The following TRAPPC8 variants were observed in gnomAD, a reference collection of about 807,000 sequenced individuals.
TRAPPC8 encodes the protein general sporulation gene 1 homolog.
Under a neutral mutation model 174.3 loss-of-function variants are expected in TRAPPC8, and 54 were observed. The observed-to-expected ratio is 0.31, with a 90% CI of 0.25 to 0.39. The LOEUF is 0.39. Ranked by LOEUF, TRAPPC8 falls within the 10% of genes least tolerant of loss-of-function variation. The pLI, the probability that TRAPPC8 is intolerant of heterozygous loss-of-function variation, is 1.00. For synonymous variants in TRAPPC8, 630 were observed against 579.9 expected, an observed-to-expected ratio of 1.09 and a Z score of -1.24; for missense variants, 1,531 against 1,699.1, an observed-to-expected ratio of 0.90 and a Z score of 1.74.
chr18:31,837,597 C>A (rs1322068794), intron 27 of TRAPPC8, among the ~76,000 whole-genome samples: 1 of 152,014 alleles, frequency 6.6e-6, no homozygotes, highest in Non-Finnish European at 1.5e-5. Context: ...TACTCAAAGG[C>A]TGAGGCACGA....
At position 31,830,978 on chromosome 18, in the gene TRAPPC8, A is replaced by G. The variant is rs759687531; in HGVS notation, c.4085T>C (p.Leu1362Pro). The G allele has an allele frequency of 1.2e-6, 2 of 1,612,056 alleles. No homozygotes were observed. Among genetic ancestry groups the G allele is most frequent in the Non-Finnish European group, 1.7e-6 (2 of 1,178,464 alleles). The stretch of plus-strand genomic sequence containing the variant: ...CCATGTGAATGATCCATGGATTTCC[A>G]GTGCTTCTGGACTAAGGGAGGAGGA... ...LRHKTTSPEA[L>P]EIHGSFTWLG... The change falls in exon 29 of 29, where the codon CTG (leucine) becomes CCG (proline). Residue 1362 changes from leucine (L) to proline (P), a missense_variant. Coordinates refer to ENST00000283351, the MANE Select transcript of TRAPPC8 (RefSeq NM_014939.5).
intron 9 of TRAPPC8, among the ~76,000 whole-genome samples, chr18:31,905,749 C>T (rs2036630644): frequency 6.6e-6 from 1 of 152,112 alleles, no homozygotes; most frequent in East Asian, 1.9e-4. Flanking sequence ...TTCAGGTGCA[C>T]ATATATCATC....
At chr18:31,888,591 A>G (rs574780581) in intron 12 of TRAPPC8, among the ~76,000 whole-genome samples, 1 of 152,372 alleles carries the variant, frequency 6.6e-6, no homozygotes, top group African/African-American at 2.4e-5. Context: ...GCAGCCATAA[A>G]AAGGAAAGAG....
At chr18:31,909,073 C>A in intron 6 of TRAPPC8, 63 bp from the exon 7 acceptor site, 1 of 1,414,110 alleles carries the variant, frequency 7.1e-7, no homozygotes, top group Non-Finnish European at 9.4e-7. Context: ...GCTAATACTA[C>A]CATACTGCTA....
intron 1 of TRAPPC8, 37 bp from the exon 2 acceptor site, chr18:31,931,560 C>G: frequency 6.7e-7 from 1 of 1,487,386 alleles, no homozygotes; most frequent in South Asian, 1.4e-5. Context: ...GAAATTAATT[C>G]TATACAATGC....
chr18:31,833,951 G>A (rs1309249449), intron 27 of TRAPPC8, among the ~76,000 whole-genome samples: 3 of 136,438 alleles, frequency 2.2e-5, no homozygotes, highest in Admixed American at 7.6e-5. Flanking sequence ...GCAGTGAGCC[G>A]AGATCACACC....
At position 31,865,296 on chromosome 18, in the gene TRAPPC8, T is replaced by C. The variant is rs142482589; in HGVS notation, c.2591-515A>G. 2.6e-3 allele frequency among the ~76,000 whole-genome samples: 402 copies of C among 152,216 alleles called. 2 individuals are homozygous for C. The highest frequency in any genetic ancestry group is 8.8e-3 in the African/African-American group (366 of 41,578). ...GAAAATTAAATACAGTAGAGTTTTC[T>C]CAAAATTAAACTTGTTTAATATTCA... On this transcript the variant is annotated intron_variant, in intron 18 of 28. Transcript: ENST00000283351.
intron 9 of TRAPPC8, among the ~76,000 whole-genome samples, chr18:31,904,023 C>T (rs2036554971): frequency 1.3e-5 from 2 of 152,228 alleles, no homozygotes; most frequent in East Asian, 1.9e-4. Context: ...AATGCTTGAG[C>T]TCAGGAGTTT....
At chr18:31,909,049 C>A in intron 6 of TRAPPC8, 39 bp from the exon 7 acceptor site, 8 of 1,537,172 alleles carry the variant, frequency 5.2e-6, no homozygotes, top group South Asian at 2.4e-5. Flanking sequence ...TCTCAGAATG[C>A]AACAGAAAAC....
At chr18:31,886,622 T>A (rs2035731841) in intron 12 of TRAPPC8, among the ~76,000 whole-genome samples, 1 of 152,332 alleles carries the variant, frequency 6.6e-6, no homozygotes, top group African/African-American at 2.4e-5. Flanking sequence ...ACTACTTTCA[T>A]GCCACTTCTT....
At chr18:31,909,085 A>AT in intron 6 of TRAPPC8, 75 bp from the exon 7 acceptor site, 5 of 1,332,966 alleles carry the variant, frequency 3.8e-6, no homozygotes, top group Non-Finnish European at 5.0e-6. Context: ...ATACTGCTAA[A>AT]GAAAAAAAAA....
At chr18:31,870,351 A>G (rs1436333273) in intron 16 of TRAPPC8, 21 bp downstream of exon 16, 2 of 1,595,008 alleles carry the variant, frequency 1.3e-6, no homozygotes, top group Non-Finnish European at 1.7e-6. Flanking sequence ...ACATAATTAC[A>G]AATACCTTTT....
chr18:31,861,674 T>G (rs769245967), intron 19 of TRAPPC8, among the ~76,000 whole-genome samples: 83 of 152,120 alleles, frequency 5.5e-4, no homozygotes, highest in Admixed American at 1.5e-3. Context: ...CGGTTGCTCA[T>G]GCCTATAACC....
chr18:31,931,201 T>C (rs150262324), intron 2 of TRAPPC8, 128 bp downstream of exon 2: 13,765 of 778,466 alleles, frequency 0.018, 155 homozygotes, highest in Non-Finnish European at 0.022. Flanking sequence ...GTTTTCAACA[T>C]TGTATTCTCA....
intron 10 of TRAPPC8, among the ~76,000 whole-genome samples, chr18:31,899,426 T>G (rs758345698): frequency 5.3e-4 from 81 of 152,322 alleles, no homozygotes; most frequent in Middle Eastern, 3.4e-3. Flanking sequence ...GATGTTGTTT[T>G]GTTCTAACCA....
At chr18:31,888,824 A>G (rs1260422626) in intron 12 of TRAPPC8, among the ~76,000 whole-genome samples, 1 of 152,230 alleles carries the variant, frequency 6.6e-6, no homozygotes, top group African/African-American at 2.4e-5. Flanking sequence ...CTTAATACCT[A>G]GGTGATGTGT....
intron 24 of TRAPPC8, among the ~76,000 whole-genome samples, chr18:31,851,238 A>C (rs1447245124): frequency 6.6e-6 from 1 of 152,202 alleles, no homozygotes; most frequent in Non-Finnish European, 1.5e-5. Flanking sequence ...GATTATCTTC[A>C]GGGATAGCTT....
chr18:31,858,058 CTTTTT>C (rs34631623), intron 19 of TRAPPC8, 76 bp from the exon 20 acceptor site: 2 of 977,766 alleles, frequency 2.0e-6, no homozygotes, highest in Non-Finnish European at 2.9e-6. Flanking sequence ...CTTTAAGACA[CTTTTT>C]TTTTTTTTTA....
chr18:31,880,117 A>G (rs1202317388), intron 12 of TRAPPC8, among the ~76,000 whole-genome samples: 1 of 106,792 alleles, frequency 9.4e-6, no homozygotes, highest in African/African-American at 3.8e-5. Context: ...ATATATATAT[A>G]TATATTTTTT....
Sources: allele counts gnomAD v4.1 joint callset (sites outside exome capture counted in the v4.1 genomes callset), GRCh38; gene constraint gnomAD v4.1.1; transcripts MANE v1.5; gene names NCBI Gene and HGNC (gene_info 2026-07-23, HGNC 2026-07-21).